The following MBOAT2 variants were observed in gnomAD, a reference collection of about 807,000 sequenced individuals.
MBOAT2 encodes the protein membrane-bound glycerophospholipid O-acyltransferase 2.
A neutral mutation model predicts 63.4 loss-of-function variants in MBOAT2; 28 were observed. The ratio of observed to expected loss-of-function variants is 0.44; its 90% CI spans 0.33 to 0.61. The LOEUF (loss-of-function observed/expected upper bound fraction) is 0.61, where lower values mean the gene tolerates loss of function less well. MBOAT2 is among the 20% of genes least tolerant of loss of function. The pLI is 0.03. For synonymous variants in MBOAT2, 211 were observed against 215.6 expected (o/e 0.98, Z 0.19); for missense variants, 470 against 605.8 (o/e 0.78, Z 2.35).
chr2:8,908,787 T>TTTA (rs2148588200), intron 3 of MBOAT2, 71 bp from the exon 4 acceptor site: 2 of 839,980 alleles, frequency 2.4e-6, no homozygotes, highest in South Asian at 3.1e-5. Flanking sequence ...TTTAAAGTAA[T>TTTA]TTATTAGCTA....
intron 6 of MBOAT2, among the ~76,000 whole-genome samples, chr2:8,880,151 G>C (rs1663005862): frequency 6.6e-6 from 1 of 152,022 alleles, no homozygotes; most frequent in Non-Finnish European, 1.5e-5. Flanking sequence ...TGAAAAGTAG[G>C]CTGCACAGGG....
At chr2:8,879,576 G>A (rs1662954129) in intron 6 of MBOAT2, among the ~76,000 whole-genome samples, 1 of 152,126 alleles carries the variant, frequency 6.6e-6, no homozygotes, top group South Asian at 2.1e-4. Flanking sequence ...CTCGTGTACA[G>A]AATTATTGAC....
intron 3 of MBOAT2, among the ~76,000 whole-genome samples, chr2:8,931,360 C>G (rs1214584783): frequency 2.0e-5 from 3 of 152,086 alleles, no homozygotes; most frequent in African/African-American, 7.2e-5. Flanking sequence ...AAGCATGGTG[C>G]TGACATCTGC....
rs116476473 is a variant in MBOAT2, at chr2:8,878,434, G to A, written c.507-1221C>T. Among the ~76,000 whole-genome samples, 875 of 152,288 alleles carry A rather than the reference G, an allele frequency of 5.7e-3. 13 individuals carry two copies. The highest frequency in any genetic ancestry group is 0.02 in the African/African-American group (845 of 41,560). Reference sequence around the variant, plus strand: ...GCTTCTTGAACATGTTACAGTCCATGCTCCTCTCTGAATATGATAAGCTCT... The same window carrying A: ...GCTTCTTGAACATGTTACAGTCCATACTCCTCTCTGAATATGATAAGCTCT... On this transcript the variant is annotated intron_variant, in intron 6 of 12. Coordinates refer to ENST00000305997, the MANE Select transcript of MBOAT2 (RefSeq NM_138799.4).
In MBOAT2 at chr2:8,891,436, T is replaced by C. The variant is rs76258853; in HGVS notation, c.396-3363A>G. ...TGATGGGAAAGGGCATATCTCACCC[T>C]TCCGCAGCAGGAACGACTGTGCAGG... On this transcript the variant is annotated intron_variant, in intron 4 of 12. Transcript: ENST00000305997. Among the ~76,000 whole-genome samples the C allele has an allele frequency of 4.1e-4, 62 of 152,272 alleles. No individual in the cohort carries two copies. The East Asian group carries it at 8.5e-3, about 21-fold the overall frequency.
At chr2:8,865,985 C>T (rs1446074237) in intron 9 of MBOAT2, among the ~76,000 whole-genome samples, 9 of 151,968 alleles carry the variant, frequency 5.9e-5, no homozygotes, top group South Asian at 2.1e-4. Flanking sequence ...TGCAGTGAAC[C>T]GAAATCGCGC....
chr2:8,957,623 C>T (rs1442550022), intron 2 of MBOAT2, among the ~76,000 whole-genome samples: 1 of 152,188 alleles, frequency 6.6e-6, no homozygotes, highest in Non-Finnish European at 1.5e-5. Flanking sequence ...ACCCCACAGA[C>T]CAAGTGAGTG....
rs775385762 is a variant in MBOAT2 at position 8,857,654 on chromosome 2, A to G, written c.*1025T>C. 6.6e-6 allele frequency: 1 copy of G among 152,232 alleles called. No individual in the cohort carries two copies. Among genetic ancestry groups the G allele is most frequent in the Non-Finnish European group, 1.5e-5 (1 of 68,044 alleles). 9.4% of individuals were successfully genotyped at this position (152,232 alleles called of 1,614,324 possible). A position where few individuals can be genotyped will look rare whatever the true frequency, so the allele number is the denominator to read the frequency against. On this transcript the variant is annotated 3_prime_UTR_variant, in exon 13 of 13. Transcript: ENST00000305997. ...AAATGGATTAGCCAGATAGTAACCTACCTAGCGATTTCTCTTTCAAAACCT... is the reference window on the plus strand; with the variant it reads ...AAATGGATTAGCCAGATAGTAACCTGCCTAGCGATTTCTCTTTCAAAACCT...
At chr2:8,892,647 G>C (rs1034958659) in intron 4 of MBOAT2, among the ~76,000 whole-genome samples, 1 of 152,146 alleles carries the variant, frequency 6.6e-6, no homozygotes, top group Non-Finnish European at 1.5e-5. Flanking sequence ...GATGCTGCCA[G>C]TCCTGGGCAG....
intron 5 of MBOAT2, among the ~76,000 whole-genome samples, chr2:8,885,684 T>C (rs923432323): frequency 1.3e-5 from 2 of 152,272 alleles, no homozygotes; most frequent in African/African-American, 2.4e-5. Context: ...CTCATATACA[T>C]GATTCAAAGC....
intron 5 of MBOAT2, among the ~76,000 whole-genome samples, chr2:8,882,983 G>A (rs894233306): frequency 6.6e-6 from 1 of 152,044 alleles, no homozygotes; most frequent in Non-Finnish European, 1.5e-5. Context: ...ACTCCTCCAT[G>A]ACTCCAATGC....
chr2:8,987,462 T>A (rs1032375198), intron 1 of MBOAT2, among the ~76,000 whole-genome samples: 11 of 152,206 alleles, frequency 7.2e-5, no homozygotes, highest in African/African-American at 2.4e-4. Context: ...TCGATTAAAA[T>A]TTTTTAAAAA....
At chr2:8,998,417 C>T (rs1672456113) in intron 1 of MBOAT2, among the ~76,000 whole-genome samples, 2 of 152,204 alleles carry the variant, frequency 1.3e-5, no homozygotes, top group Non-Finnish European at 2.9e-5. Flanking sequence ...TGTTGCCATT[C>T]ACCTTCTCTT....
chr2:8,950,594 A>G (rs1668759407), intron 2 of MBOAT2, among the ~76,000 whole-genome samples: 1 of 152,020 alleles, frequency 6.6e-6, no homozygotes, highest in African/African-American at 2.4e-5. Flanking sequence ...TGCCTGGCTA[A>G]TTTTTTGTAT....
chr2:8,885,855 T>C (rs6744138), intron 5 of MBOAT2, among the ~76,000 whole-genome samples: 4,060 of 152,292 alleles, frequency 0.027, 191 homozygotes, highest in African/African-American at 0.092. Flanking sequence ...GTAGGTAATT[T>C]ATTTGGTTTC....
At chr2:8,897,424 T>A (rs1664569900) in intron 4 of MBOAT2, among the ~76,000 whole-genome samples, 1 of 152,234 alleles carries the variant, frequency 6.6e-6, no homozygotes, top group African/African-American at 2.4e-5. Context: ...CTTGTGGTAT[T>A]TAATGGAGGG....
intron 3 of MBOAT2, among the ~76,000 whole-genome samples, chr2:8,935,184 A>G (rs1482872182): frequency 6.6e-6 from 1 of 152,208 alleles, no homozygotes; most frequent in Admixed American, 6.5e-5. Context: ...GAACACCAGG[A>G]GACTACGGCA....
intron 3 of MBOAT2, among the ~76,000 whole-genome samples, chr2:8,930,944 TA>T (rs909444912): frequency 6.6e-6 from 1 of 152,208 alleles, no homozygotes; most frequent in Non-Finnish European, 1.5e-5. Context: ...CTCTGCTCAA[TA>T]AAGCCTGCAG....
chr2:8,857,094 T>C lies in MBOAT2; in HGVS notation c.*1585A>G, dbSNP rs1222055176. On this transcript the variant is annotated 3_prime_UTR_variant, in exon 13 of 13. Transcript: ENST00000305997. ...GTATTATATAGCATAAGCCAGATGGTTGCCTTGTCTTTAACTTCATTTGCA... is the reference window on the plus strand; with the variant it reads ...GTATTATATAGCATAAGCCAGATGGCTGCCTTGTCTTTAACTTCATTTGCA... 3 of 152,620 alleles carry C rather than the reference T, an allele frequency of 2.0e-5. No individual in the cohort carries two copies. Among genetic ancestry groups the C allele is most frequent in the East Asian group, 3.8e-4 (2 of 5,202 alleles). 9.5% of individuals were successfully genotyped at this position (152,620 alleles called of 1,614,324 possible). A position where few individuals can be genotyped will look rare whatever the true frequency, so the allele number is the denominator to read the frequency against.
Sources: allele counts gnomAD v4.1 joint callset (sites outside exome capture counted in the v4.1 genomes callset), GRCh38; gene constraint gnomAD v4.1.1; transcripts MANE v1.5; gene names NCBI Gene and HGNC (gene_info 2026-07-23, HGNC 2026-07-21).